C7: variants seen among roughly 807,000 people sequenced by gnomAD.
C7 encodes the protein complement component C7.
A neutral mutation model predicts 104.8 loss-of-function variants in C7; 83 were observed. That is an observed-to-expected ratio of 0.79 (90% CI 0.66 to 0.95). The LOEUF is 0.95. Among genes scored for constraint, C7 ranks in the 40% least tolerant of loss-of-function variants. The probability of loss-of-function intolerance (pLI) is 0.00; values close to 1 mark genes in which losing one functional copy is unlikely to be tolerated. For missense variants in C7, 1,070 were observed against 1,011.2 expected (o/e 1.06, Z -0.79); for synonymous variants, 415 against 360.6 (o/e 1.15, Z -1.71).
intron 9 of C7, among the ~76,000 whole-genome samples, chr5:40,953,915 G>T (rs945958539): frequency 2.8e-4 from 11 of 38,822 alleles, no homozygotes; most frequent in Non-Finnish European, 7.9e-4. Context: ...AACCTGTCAG[G>T]CTTTAATGAT....
chr5:40,967,649 G>C (rs750721090), intron 14 of C7: 2 of 198,844 alleles, frequency 1.0e-5, no homozygotes, highest in Non-Finnish European at 2.2e-5. Context: ...TTTTTATCCT[G>C]TATCACCAAG....
intron 6 of C7, among the ~76,000 whole-genome samples, chr5:40,939,653 A>G (rs114446774): frequency 0.014 from 2,111 of 152,292 alleles, 49 homozygotes; most frequent in African/African-American, 0.048. Flanking sequence ...CTCCCTCTAT[A>G]CCTTAGAGAA....
At chr5:40,971,929 G>A in intron 14 of C7, 1 of 391,522 alleles carries the variant, frequency 2.6e-6, no homozygotes, top group Non-Finnish European at 5.0e-6. Flanking sequence ...CTGCTCTCCA[G>A]CCTGGGCAAC....
chr5:40,942,896 C>T (rs1318318359), intron 6 of C7, among the ~76,000 whole-genome samples: 1 of 152,042 alleles, frequency 6.6e-6, no homozygotes, highest in Non-Finnish European at 1.5e-5. Context: ...TCCCGAGTAG[C>T]TGGGATTACA....
intron 1 of C7, among the ~76,000 whole-genome samples, chr5:40,910,394 T>C (rs1739181994): frequency 6.6e-6 from 1 of 152,174 alleles, no homozygotes; most frequent in Non-Finnish European, 1.5e-5. Flanking sequence ...TTCACAGATC[T>C]GTCAGTGGCT....
At position 40,949,867 on chromosome 5, in the gene C7, G is replaced by T. The variant is rs561540946; in HGVS notation, c.983-37G>T. On this transcript the variant is annotated intron_variant, in intron 8 of 17. Coordinates refer to ENST00000313164, the MANE Select transcript of C7 (RefSeq NM_000587.4). Reference sequence around the variant, plus strand: ...TATCTGAAGATCTTCAAGGAATGCAGAAATTAAACATGTCTCTTTTACATT... The same window carrying T: ...TATCTGAAGATCTTCAAGGAATGCATAAATTAAACATGTCTCTTTTACATT... The T allele has an allele frequency of 5.4e-6, 7 of 1,305,712 alleles. No individual in the cohort carries two copies. In the African/African-American group the frequency reaches 1.0e-4, roughly 19 times the overall value. The allele number at this position is 1,305,712 out of a possible 1,614,324, so 80.9% of individuals were successfully genotyped here. A position where few individuals can be genotyped will look rare whatever the true frequency, so the allele number is the denominator to read the frequency against.
intron 1 of C7, among the ~76,000 whole-genome samples, chr5:40,911,446 C>A (rs1256626266): frequency 6.6e-6 from 1 of 152,196 alleles, no homozygotes; most frequent in East Asian, 1.9e-4. Flanking sequence ...ATGTCAGGGA[C>A]AAGGGACTTC....
intron 15 of C7, among the ~76,000 whole-genome samples, chr5:40,973,353 A>G (rs528622276): frequency 6.6e-6 from 1 of 152,236 alleles, no homozygotes; most frequent in Non-Finnish European, 1.5e-5. Context: ...ACTCACTTGC[A>G]TACTATTTTA....
intron 14 of C7, among the ~76,000 whole-genome samples, chr5:40,969,731 AT>A (rs1740649738): frequency 6.6e-6 from 1 of 151,438 alleles, no homozygotes; most frequent in African/African-American, 2.4e-5. Context: ...CCTCTGAGCT[AT>A]GGTTTTCTCT....
intron 13 of C7, among the ~76,000 whole-genome samples, chr5:40,962,626 G>A (rs1055080374): frequency 2.0e-5 from 3 of 152,164 alleles, no homozygotes; most frequent in African/African-American, 7.2e-5. Flanking sequence ...GTGAGATATG[G>A]ATCATTCTAC....
intron 1 of C7, among the ~76,000 whole-genome samples, chr5:40,913,880 C>T (rs1014112786): frequency 2.6e-5 from 4 of 152,052 alleles, no homozygotes; most frequent in Non-Finnish European, 5.9e-5. Flanking sequence ...GGGGTTTTAC[C>T]GTGTTAGTCA....
At chr5:40,943,921 A>AT (rs1266712528) in intron 6 of C7, among the ~76,000 whole-genome samples, 1 of 151,998 alleles carries the variant, frequency 6.6e-6, no homozygotes, top group Non-Finnish European at 1.5e-5. Context: ...ATTTTGGTGT[A>AT]TTTCTGTCTT....
chr5:40,945,241 C>G lies in C7; in HGVS notation c.611C>G (p.Thr204Ser). The stretch of plus-strand genomic sequence containing the variant: ...TTTAATTATGAATTTTACAATAGTA[C>G]TTGGTCTTATGTAAAACATACGTCG... ...NDFNYEFYNS[T>S]WSYVKHTSTE... Residue 204 changes from threonine to serine, a missense_variant, in exon 7 of 18, where the codon ACT (threonine) becomes AGT (serine). By Grantham distance (58) the Thr-to-Ser change is moderately conservative. Transcript: ENST00000313164. 2 of 1,551,038 alleles carry G rather than the reference C, an allele frequency of 1.3e-6. No individual in the cohort carries two copies. Among genetic ancestry groups the G allele is most frequent in the Non-Finnish European group, 1.7e-6 (2 of 1,143,724 alleles).
intron 10 of C7, 84 bp from the exon 11 acceptor site, chr5:40,957,949 A>T: frequency 1.2e-6 from 1 of 862,922 alleles, no homozygotes; most frequent in Non-Finnish European, 1.7e-6. Flanking sequence ...ATTTTGTTTT[A>T]ATGAGAGTCG....
At chr5:40,973,424 T>G (rs1010138068) in intron 15 of C7, among the ~76,000 whole-genome samples, 4 of 152,328 alleles carry the variant, frequency 2.6e-5, no homozygotes, top group African/African-American at 9.6e-5. Flanking sequence ...TTTTTAATAG[T>G]GAGGATGAAG....
In C7 at chr5:40,982,345, T is replaced by A. The variant is rs1328326278; in HGVS notation, c.*772T>A. ...TTTTAGTAGAGATGGGGTTTCACCA[T>A]GTTGGCCACGCTCGTCTCCAACTCC... On this transcript the variant is annotated 3_prime_UTR_variant, in exon 18 of 18. Coordinates refer to ENST00000313164, the MANE Select transcript of C7 (RefSeq NM_000587.4). 1 of 150,016 alleles carries A rather than the reference T, an allele frequency of 6.7e-6. No homozygotes were observed. The highest frequency in any genetic ancestry group is 6.7e-5 in the Admixed American group (1 of 15,036). 9.3% of individuals were successfully genotyped at this position (150,016 alleles called of 1,614,324 possible).
intron 7 of C7, among the ~76,000 whole-genome samples, chr5:40,947,173 C>T (rs1387993282): frequency 1.3e-5 from 2 of 148,248 alleles, no homozygotes; most frequent in Non-Finnish European, 3.0e-5. Flanking sequence ...GATCACGGCT[C>T]ACTTCAATCA....
chr5:40,910,514 C>T (rs1739184841), intron 1 of C7, among the ~76,000 whole-genome samples: 1 of 151,948 alleles, frequency 6.6e-6, no homozygotes, highest in Non-Finnish European at 1.5e-5. Context: ...GCCATGCCTT[C>T]TGTGAAATTA....
chr5:40,947,734 G>A lies in C7; in HGVS notation c.871G>A (p.Ala291Thr), dbSNP rs1740080665. ...SHLPSLYDYS[A>T]YRRLIDQYGT... is the part of the protein sequence containing the mutation. ...CCTCCCCTCTCTGTATGACTACAGT[G>A]CCTACCGAAGATTAATCGACCAGTA... The change falls in exon 8 of 18, where the codon GCC becomes ACC. Residue 291 changes from alanine (A) to threonine (T), a missense_variant. By Grantham distance (58) the Ala-to-Thr change is moderately conservative. Coordinates refer to ENST00000313164, the MANE Select transcript of C7 (RefSeq NM_000587.4). The A allele has an allele frequency of 1.2e-6, 2 of 1,613,616 alleles. No homozygotes were observed. The highest frequency in any genetic ancestry group is 2.2e-5 in the South Asian group (2 of 91,082).
Sources: allele counts gnomAD v4.1 joint callset (sites outside exome capture counted in the v4.1 genomes callset), GRCh38; gene constraint gnomAD v4.1.1; transcripts MANE v1.5; gene names NCBI Gene and HGNC (gene_info 2026-07-23, HGNC 2026-07-21).